The following STAT4 variants were observed in gnomAD, a reference collection of about 807,000 sequenced individuals.
STAT4 encodes signal transducer and activator of transcription 4.
STAT4 carries 42 observed loss-of-function variants against 110.5 expected under a neutral mutation model. The observed-to-expected ratio is 0.38, with a 90% CI of 0.30 to 0.49. The LOEUF is 0.49. STAT4 is among the 20% of genes least tolerant of loss of function. STAT4 has a pLI of 0.95. For synonymous variants in STAT4, 284 were observed against 302.2 expected, an observed-to-expected ratio of 0.94 and a Z score of 0.63; for missense variants, 632 against 887.9, an observed-to-expected ratio of 0.71 and a Z score of 3.66.
chr2:191,064,156 T>C (rs1405539530), intron 8 of STAT4, among the ~76,000 whole-genome samples: 3 of 152,218 alleles, frequency 2.0e-5, no homozygotes, highest in South Asian at 2.1e-4. Flanking sequence ...AATTGACACA[T>C]AAAAATTGTA....
chr2:191,037,937 T>C lies in STAT4; in HGVS notation c.1434+1262A>G, dbSNP rs906652668. On this transcript the variant is annotated intron_variant, in intron 16 of 23. Coordinates refer to ENST00000392320, the MANE Select transcript of STAT4 (RefSeq NM_003151.4). The surrounding 1 kb of genome is among the most constrained non-coding windows in gnomAD (Gnocchi z 4.8). ...GTTTAGACTGGTTCTGTAACTAGGCTGTGAATCTGTGTTTTAGGAGCTGTA... is the reference window on the plus strand; with the variant it reads ...GTTTAGACTGGTTCTGTAACTAGGCCGTGAATCTGTGTTTTAGGAGCTGTA... Among the ~76,000 whole-genome samples, 9 of 152,196 alleles carry C rather than the reference T, an allele frequency of 5.9e-5. No individual in the cohort carries two copies. Among genetic ancestry groups the C allele is most frequent in the African/African-American group, 2.2e-4 (9 of 41,446 alleles).
At position 191,150,180 on chromosome 2, in the gene STAT4, CACT is replaced by C. The variant is rs1699558617; in HGVS notation, c.-2+764_-2+766del. 6.6e-6 allele frequency among the ~76,000 whole-genome samples: 1 copy of C among 151,836 alleles called. No homozygotes were observed. Among genetic ancestry groups the C allele is most frequent in the South Asian group, 2.1e-4 (1 of 4,800 alleles). On this transcript the variant is annotated intron_variant, in intron 1 of 23. Transcript: ENST00000392320. The surrounding 1 kb of genome is among the most constrained non-coding windows in gnomAD (Gnocchi z 6.4). ...AATAAAAATAAACACCGAAAAAAAT[CACT>C]ACTAAGATCTGAGTCTTTCGGAGAG...
At chr2:191,075,013 AGC>A (rs1434292665) in intron 4 of STAT4, among the ~76,000 whole-genome samples, 1 of 152,104 alleles carries the variant, frequency 6.6e-6, no homozygotes, top group Admixed American at 6.5e-5. Flanking sequence ...TACAAAACTT[AGC>A]CAGGTGTGGT....
At chr2:191,102,039 C>T (rs2125336639) in intron 3 of STAT4, among the ~76,000 whole-genome samples, 1 of 149,082 alleles carries the variant, frequency 6.7e-6, no homozygotes, top group South Asian at 2.1e-4. Context: ...CCTCTAATAC[C>T]TCATTTTAGG....
Position 191,032,605 on chromosome 2 carries a change from C to T in STAT4, c.2044+353G>A, listed in dbSNP as rs1695928909. ...TGTTTTACTATTAAAAGCTTCTCATCATTACCCCCTCTTTCTTTTCCTTTC... is the reference window on the plus strand; with the variant it reads ...TGTTTTACTATTAAAAGCTTCTCATTATTACCCCCTCTTTCTTTTCCTTTC... On this transcript the variant is annotated intron_variant, in intron 21 of 23. Transcript: ENST00000392320. The surrounding 1 kb of genome is among the most constrained non-coding windows in gnomAD (Gnocchi z 4.9). Among the ~76,000 whole-genome samples, 1 of 152,184 alleles carries T rather than the reference C, an allele frequency of 6.6e-6. No homozygotes were observed. The highest frequency in any genetic ancestry group is 1.5e-5 in the Non-Finnish European group (1 of 68,028).
Position 191,117,037 on chromosome 2 carries a change from T to C in STAT4, c.273+29576A>G, listed in dbSNP as rs1390929131. Among the ~76,000 whole-genome samples, 1 of 152,172 alleles carries C rather than the reference T, an allele frequency of 6.6e-6. No individual in the cohort carries two copies. Among genetic ancestry groups the C allele is most frequent in the Admixed American group, 6.6e-5 (1 of 15,266 alleles). ...ATCTTGGCTACATCTTACAATCACC[T>C]GGGGAGCTTTACAAAATCCAATAGG... is the stretch of plus-strand genomic sequence containing the variant. On this transcript the variant is annotated intron_variant, in intron 3 of 23. Transcript: ENST00000392320. This position sits in a 1 kb window ranked among gnomAD's most constrained non-coding sequence, Gnocchi z 5.2.
intron 14 of STAT4, among the ~76,000 whole-genome samples, chr2:191,045,369 G>C (rs1367166726): frequency 6.6e-6 from 1 of 152,196 alleles, no homozygotes; most frequent in Non-Finnish European, 1.5e-5. Flanking sequence ...ATTTTAACAA[G>C]AATCCTGGGT....
rs192557711 is a variant in STAT4 at position 191,030,927 on chromosome 2, G to T, written c.2220+45C>A. Reference sequence around the variant, plus strand: ...TTGATTCACACACCACCTTTGCATCGTTGGAAACACCTTTGACCAGCAATG... The same window carrying T: ...TTGATTCACACACCACCTTTGCATCTTTGGAAACACCTTTGACCAGCAATG... On this transcript the variant is annotated intron_variant, in intron 23 of 23. Coordinates refer to ENST00000392320, the MANE Select transcript of STAT4 (RefSeq NM_003151.4). This position sits in a 1 kb window ranked among gnomAD's most constrained non-coding sequence, Gnocchi z 4.4. 9.1e-4 allele frequency: 1,430 copies of T among 1,572,194 alleles called. 5 individuals carry two copies. The highest frequency in any genetic ancestry group is 1.2e-3 in the Non-Finnish European group (1,334 of 1,142,712).
At chr2:191,036,072 T>G in intron 17 of STAT4, 92 bp downstream of exon 17, 1 of 1,413,406 alleles carries the variant, frequency 7.1e-7, no homozygotes, top group Non-Finnish European at 9.6e-7. Flanking sequence ...GATTATCATC[T>G]TTATTATTAG....
chr2:191,089,016 G>A (rs1300077718), intron 3 of STAT4, among the ~76,000 whole-genome samples: 4 of 152,134 alleles, frequency 2.6e-5, no homozygotes, highest in African/African-American at 9.7e-5. Context: ...TAATCTAGAT[G>A]ACCTTGGATT....
At chr2:191,118,153 T>C (rs1176052757) in intron 3 of STAT4, among the ~76,000 whole-genome samples, 1 of 152,222 alleles carries the variant, frequency 6.6e-6, no homozygotes, top group African/African-American at 2.4e-5. Flanking sequence ...AAGGACAATT[T>C]GGCAATTCTT....
chr2:191,079,075 G>T (rs1311010724), intron 3 of STAT4, among the ~76,000 whole-genome samples: 1 of 151,874 alleles, frequency 6.6e-6, no homozygotes, highest in Non-Finnish European at 1.5e-5. Context: ...TTTGTGGGTG[G>T]GCTTGTTTCT....
chr2:191,038,478 TAAG>T (rs1696103524), intron 16 of STAT4, among the ~76,000 whole-genome samples: 1 of 152,208 alleles, frequency 6.6e-6, no homozygotes. Context: ...TGCTCTGAAT[TAAG>T]AAGAAATGTT....
chr2:191,061,648 A>C lies in STAT4; in HGVS notation c.1034+81T>G. 7.8e-7 allele frequency: 1 copy of C among 1,288,966 alleles called. No individual in the cohort carries two copies. Among genetic ancestry groups the C allele is most frequent in the Non-Finnish European group, 1.1e-6 (1 of 885,068 alleles). 79.8% of individuals were successfully genotyped at this position (1,288,966 alleles called of 1,614,324 possible). On this transcript the variant is annotated intron_variant, in intron 10 of 23. Coordinates refer to ENST00000392320, the MANE Select transcript of STAT4 (RefSeq NM_003151.4). This position sits in a 1 kb window ranked among gnomAD's most constrained non-coding sequence, Gnocchi z 6.2. Reference sequence around the variant, plus strand: ...AATAAAGAACAGCTGAATGCAAGCCACAATGAGAGAAATTGGCCTTGATCA... The same window carrying C: ...AATAAAGAACAGCTGAATGCAAGCCCCAATGAGAGAAATTGGCCTTGATCA...
At chr2:191,076,036 TGGAGACAGGG>T in intron 4 of STAT4, 181 bp downstream of exon 4, 1 of 515,148 alleles carries the variant, frequency 1.9e-6, no homozygotes, top group Non-Finnish European at 3.5e-6. Flanking sequence ...TTTTTTTTTT[TGGAGACAGGG>T]TCTTGCTGCA....
At chr2:191,048,497 C>T (rs1451885038) in intron 14 of STAT4, among the ~76,000 whole-genome samples, 2 of 151,702 alleles carry the variant, frequency 1.3e-5, no homozygotes, top group Non-Finnish European at 2.9e-5. Flanking sequence ...CCATTAGGGC[C>T]GGGCACAGTG....
At chr2:191,126,384 C>T (rs925453868) in intron 3 of STAT4, among the ~76,000 whole-genome samples, 5 of 152,176 alleles carry the variant, frequency 3.3e-5, no homozygotes, top group Non-Finnish European at 5.9e-5. Context: ...TTTCTAAAAA[C>T]TTAGTTGAAA....
At position 191,104,816 on chromosome 2, in the gene STAT4, C is replaced by T. The variant is rs1321108471; in HGVS notation, c.274-28491G>A. 6.6e-6 allele frequency among the ~76,000 whole-genome samples: 1 copy of T among 152,132 alleles called. No homozygotes were observed. The highest frequency in any genetic ancestry group is 1.9e-4 in the East Asian group (1 of 5,198). ...AAACTTTATTAAGGATGGGTCCTGG[C>T]TGGTGTTTGAGACCTTCTGGACTAA... On this transcript the variant is annotated intron_variant, in intron 3 of 23. Coordinates refer to ENST00000392320, the MANE Select transcript of STAT4 (RefSeq NM_003151.4). The surrounding 1 kb of genome is among the most constrained non-coding windows in gnomAD (Gnocchi z 4.3).
chr2:191,047,528 G>T (rs1559042958), intron 14 of STAT4, among the ~76,000 whole-genome samples: 2 of 152,222 alleles, frequency 1.3e-5, no homozygotes, highest in African/African-American at 4.8e-5. Context: ...GTCTGCTGGA[G>T]AACTGGTTGT....
Sources: gnomAD v4.1 joint callset for allele counts (sites outside exome capture counted in the v4.1 genomes callset) on GRCh38, gnomAD v4.1.1 for gene constraint, Gnocchi (gnomAD v3.1) non-coding constraint, MANE v1.5 for transcripts, NCBI Gene and HGNC (gene_info 2026-07-23, HGNC 2026-07-21) for gene names.